USP7: variants seen among roughly 807,000 people sequenced by gnomAD.
USP7 encodes ubiquitin specific peptidase 7.
USP7 carries 9 observed loss-of-function variants against 162.9 expected under a neutral mutation model. The observed-to-expected ratio is 0.06, with a 90% CI of 0.03 to 0.10. USP7 has a LOEUF of 0.10. Among genes scored for constraint, USP7 ranks in the 10% least tolerant of loss-of-function variants. The probability of loss-of-function intolerance (pLI) is 1.00; values close to 1 mark genes in which losing one functional copy is unlikely to be tolerated. For missense variants in USP7, 715 were observed against 1,373.7 expected, an observed-to-expected ratio of 0.52 and a Z score of 7.58; for synonymous variants, 562 against 475.9, an observed-to-expected ratio of 1.18 and a Z score of -2.35.
At chr16:8,940,618 C>T (rs530889273) in intron 1 of USP7, among the ~76,000 whole-genome samples, 17 of 152,078 alleles carry the variant, frequency 1.1e-4, no homozygotes, top group Non-Finnish European at 1.8e-4. Flanking sequence ...GAAACAGGGA[C>T]GATGGTGGCA....
chr16:8,934,714 T>C (rs529096424), intron 1 of USP7, among the ~76,000 whole-genome samples: 1 of 152,328 alleles, frequency 6.6e-6, no homozygotes, highest in African/African-American at 2.4e-5. Flanking sequence ...CTTTTCCACC[T>C]GACAGGTGCA....
chr16:8,960,942 G>C (rs1303089383), intron 1 of USP7, among the ~76,000 whole-genome samples: 1 of 152,110 alleles, frequency 6.6e-6, no homozygotes, highest in Non-Finnish European at 1.5e-5. Flanking sequence ...GGACCTCCTG[G>C]ATAATGAAAT....
At chr16:8,921,084 G>T in intron 4 of USP7, 73 bp downstream of exon 4, 1 of 1,509,252 alleles carries the variant, frequency 6.6e-7, no homozygotes, top group Non-Finnish European at 8.9e-7. Context: ...TAAAGGACTT[G>T]AAAAATCAAA....
chr16:8,917,010 G>C lies in USP7; in HGVS notation c.851+16C>G. The C allele has an allele frequency of 1.3e-6, 2 of 1,539,236 alleles. No individual in the cohort carries two copies. The highest frequency in any genetic ancestry group is 1.7e-6 in the Non-Finnish European group (2 of 1,149,806). ...AAGAGGAAGCAGAATGGCAAAGGCA[G>C]ATGTCTAATACATACCCAAATGACT... is the stretch of plus-strand genomic sequence containing the variant. On this transcript the variant is annotated intron_variant, in intron 7 of 30. Coordinates refer to ENST00000344836, the MANE Select transcript of USP7 (RefSeq NM_003470.3).
chr16:8,953,602 A>G, intron 1 of USP7, among the ~76,000 whole-genome samples: 1 of 65,062 alleles, frequency 1.5e-5, no homozygotes, highest in Non-Finnish European at 3.1e-5. Flanking sequence ...GCGCCACCGG[A>G]AGCAGAGGGA....
At chr16:8,921,038 C>G in intron 4 of USP7, 119 bp downstream of exon 4, 1 of 1,157,338 alleles carries the variant, frequency 8.6e-7, no homozygotes. Context: ...AGACACTTGT[C>G]CAATTTAGAA....
intron 18 of USP7, 114 bp downstream of exon 18, chr16:8,901,968 G>T: frequency 1.1e-6 from 1 of 875,808 alleles, no homozygotes; most frequent in Non-Finnish European, 1.8e-6. Context: ...TTGTGGAATT[G>T]ATCAACACAT....
intron 14 of USP7, among the ~76,000 whole-genome samples, chr16:8,904,798 T>A (rs552123826): frequency 3.9e-4 from 57 of 147,822 alleles, no homozygotes; most frequent in South Asian, 2.2e-3. Flanking sequence ...AAAAATAAAA[T>A]AAAAATAAAA....
intron 21 of USP7, chr16:8,900,138 G>A (rs1054143160): frequency 9.2e-5 from 33 of 360,606 alleles, no homozygotes; most frequent in Non-Finnish European, 4.0e-5. Flanking sequence ...GTGTGCCATC[G>A]AGCCACTTTC....
At position 8,902,444 on chromosome 16, in the gene USP7, T is replaced by C. The variant is rs1160698117; in HGVS notation, c.1878A>G (p.Gln626=). ...GTCGTTTTGTTCCATTACTCCTTGC[T>C]TGCATGGGCCACAATCGAATTTGAT... ...PQDQIRLWPM[Q]ARSNGTKRPA... is the part of the protein sequence containing the mutation. Residue 626 remains glutamine, a synonymous_variant, in exon 17 of 31, where the codon CAA becomes CAG. Transcript: ENST00000344836. 2 of 1,614,164 alleles carry C rather than the reference T, an allele frequency of 1.2e-6. No individual in the cohort carries two copies. The highest frequency in any genetic ancestry group is 1.3e-5 in the African/African-American group (1 of 75,052).
Position 8,898,340 on chromosome 16 carries a change from A to G in USP7, c.2718+20T>C. The stretch of plus-strand genomic sequence containing the variant: ...CAAGTTCCAATAAAAATTAAAATTC[A>G]TAGTATTAAAAAAACTTACCTCTTC... On this transcript the variant is annotated intron_variant, in intron 25 of 30. Transcript: ENST00000344836. 1 of 1,559,758 alleles carries G rather than the reference A, an allele frequency of 6.4e-7. No homozygotes were observed. Among genetic ancestry groups the G allele is most frequent in the Non-Finnish European group, 8.7e-7 (1 of 1,145,150 alleles).
At chr16:8,937,195 T>A (rs1300485357) in intron 1 of USP7, among the ~76,000 whole-genome samples, 1 of 125,940 alleles carries the variant, frequency 7.9e-6, no homozygotes, top group Non-Finnish European at 1.6e-5. Flanking sequence ...GGCAACACAG[T>A]GAGACTCTGT....
At chr16:8,958,490 G>C (rs551638708) in intron 1 of USP7, among the ~76,000 whole-genome samples, 2 of 152,342 alleles carry the variant, frequency 1.3e-5, no homozygotes, top group Non-Finnish European at 2.9e-5. Flanking sequence ...TGTGGGGTCA[G>C]GCAGGCTGGA....
intron 1 of USP7, among the ~76,000 whole-genome samples, chr16:8,958,903 G>T (rs1419449794): frequency 1.3e-5 from 2 of 152,248 alleles, no homozygotes; most frequent in East Asian, 1.9e-4. Context: ...TTAGGCAGAG[G>T]CCGGATGGCT....
intron 25 of USP7, among the ~76,000 whole-genome samples, chr16:8,897,776 G>A (rs2061712017): frequency 1.6e-5 from 2 of 128,718 alleles, no homozygotes; most frequent in Non-Finnish European, 3.1e-5. Flanking sequence ...ACATACACCT[G>A]TAATCCTAGC....
In USP7 at chr16:8,910,820, T is replaced by C; in HGVS notation, c.1086A>G (p.Glu362=). The C allele has an allele frequency of 1.9e-6, 3 of 1,613,714 alleles. No homozygotes were observed. The highest frequency in any genetic ancestry group is 1.1e-5 in the South Asian group (1 of 91,076). ...LSIKGKKNIF[E]SFVDYVAVEQ... ...CTACTGCCACATAATCCACAAATGA[T>C]TCAAATACTTTAAAGAGAGAGAGAG... is the stretch of plus-strand genomic sequence containing the variant. Residue 362 remains glutamate, a synonymous_variant, in exon 11 of 31, where the codon GAA becomes GAG. Coordinates refer to ENST00000344836, the MANE Select transcript of USP7 (RefSeq NM_003470.3).
intron 1 of USP7, among the ~76,000 whole-genome samples, chr16:8,946,505 A>T (rs571832668): frequency 6.6e-6 from 1 of 152,250 alleles, no homozygotes; most frequent in African/African-American, 2.4e-5. Context: ...CGAGCTACAG[A>T]CCAGCAGAAA....
chr16:8,900,137 C>A (rs571686974), intron 21 of USP7: 4 of 357,422 alleles, frequency 1.1e-5, no homozygotes, highest in Middle Eastern at 1.6e-3. Context: ...CGTGTGCCAT[C>A]GAGCCACTTT....
At chr16:8,958,586 C>T (rs76569125) in intron 1 of USP7, among the ~76,000 whole-genome samples, 1,884 of 152,274 alleles carry the variant, frequency 0.012, 23 homozygotes, top group Non-Finnish European at 0.015. Context: ...GACAGCCAAA[C>T]GGGCCTGGCA....
Sources: gnomAD v4.1 joint callset for allele counts (sites outside exome capture counted in the v4.1 genomes callset) on GRCh38, gnomAD v4.1.1 for gene constraint, MANE v1.5 for transcripts, NCBI Gene and HGNC (gene_info 2026-07-23, HGNC 2026-07-21) for gene names.